Variants in JPT1 observed in about 807,000 individuals in gnomAD.
JPT1 encodes Jupiter microtubule associated homolog 1, also known as androgen-regulated protein 2.
JPT1 carries 5 observed loss-of-function variants against 17.0 expected under a neutral mutation model. That is an observed-to-expected ratio of 0.29 (90% CI 0.15 to 0.62). The LOEUF (loss-of-function observed/expected upper bound fraction) is 0.62. Ranked by LOEUF, JPT1 falls within the 20% of genes least tolerant of loss-of-function variation. JPT1 has a pLI of 0.85. For synonymous variants in JPT1, 71 were observed against 73.6 expected (o/e 0.96, Z 0.18); for missense variants, 158 against 188.1 (o/e 0.84, Z 0.94).
intron 1 of JPT1, among the ~76,000 whole-genome samples, chr17:75,152,337 G>T (rs1473682421): frequency 6.6e-6 from 1 of 152,088 alleles, no homozygotes; most frequent in Non-Finnish European, 1.5e-5. Context: ...AAATCCTGAA[G>T]TTTCTGTATA....
chr17:75,137,076 A>G (rs1188698759), intron 4 of JPT1, among the ~76,000 whole-genome samples: 1 of 152,172 alleles, frequency 6.6e-6, no homozygotes, highest in Non-Finnish European at 1.5e-5. Context: ...TATGTTTTCA[A>G]ATCCCTCACC....
In JPT1 at chr17:75,145,170, A is replaced by C. The variant is rs1193344936; in HGVS notation, c.316+1496T>G. The C allele has an allele frequency of 2.0e-5, 3 of 148,350 alleles. No individual in the cohort carries two copies. The East Asian group carries it at 5.9e-4, about 29-fold the overall frequency. The allele number at this position is 148,350 out of a possible 1,614,324, so 9.2% of individuals were successfully genotyped here. ...CAGAGCCAGACTCCATCTCAAAAAA[A>C]AAAAAAAAAAAAAAACACAACCAAA... is the stretch of plus-strand genomic sequence containing the variant. On this transcript the variant is annotated intron_variant, in intron 4 of 4. Transcript: ENST00000409753.
At chr17:75,147,793 G>A in intron 2 of JPT1, 140 bp from the exon 3 acceptor site, 1 of 627,512 alleles carries the variant, frequency 1.6e-6, no homozygotes, top group South Asian at 1.8e-5. Context: ...GAGGTCAGGA[G>A]TTCAAGACCA....
chr17:75,140,582 G>A (rs764396217), intron 4 of JPT1, among the ~76,000 whole-genome samples: 1 of 152,094 alleles, frequency 6.6e-6, no homozygotes, highest in Non-Finnish European at 1.5e-5. Flanking sequence ...TGCCCAAGAG[G>A]TAAAATAAAT....
At chr17:75,152,136 T>C (rs2145198503) in intron 1 of JPT1, among the ~76,000 whole-genome samples, 1 of 152,322 alleles carries the variant, frequency 6.6e-6, no homozygotes, top group Admixed American at 6.5e-5. Context: ...TTTGTAATAG[T>C]GAGATATCCC....
intron 4 of JPT1, among the ~76,000 whole-genome samples, chr17:75,139,087 C>T (rs1334262977): frequency 1.3e-5 from 2 of 152,214 alleles, no homozygotes; most frequent in Non-Finnish European, 2.9e-5. Flanking sequence ...ACACACAAGT[C>T]CTACAATAAG....
At chr17:75,139,624 C>T (rs1387048625) in intron 4 of JPT1, among the ~76,000 whole-genome samples, 1 of 151,970 alleles carries the variant, frequency 6.6e-6, no homozygotes, top group Admixed American at 6.6e-5. Context: ...AGTTTGAGAC[C>T]AGCTTGGCCA....
At chr17:75,149,105 C>T in intron 1 of JPT1, 1 of 1,184,622 alleles carries the variant, frequency 8.4e-7, no homozygotes, top group Non-Finnish European at 1.1e-6. Context: ...AATCCCAGCA[C>T]CCTAGGAGGC....
chr17:75,140,600 A>C (rs1391751256), intron 4 of JPT1, among the ~76,000 whole-genome samples: 1 of 152,186 alleles, frequency 6.6e-6, no homozygotes. Flanking sequence ...AATTTCCCGT[A>C]TATCCAAAGG....
At chr17:75,144,789 C>G (rs762741601) in intron 4 of JPT1, among the ~76,000 whole-genome samples, 1 of 152,130 alleles carries the variant, frequency 6.6e-6, no homozygotes, top group Admixed American at 6.6e-5. Context: ...GGACTCCCAA[C>G]TGGTGTCCAC....
intron 4 of JPT1, among the ~76,000 whole-genome samples, chr17:75,140,532 A>G (rs998211415): frequency 6.6e-6 from 1 of 152,190 alleles, no homozygotes; most frequent in Non-Finnish European, 1.5e-5. Context: ...CTCAAGATGG[A>G]AACTCCAAAG....
chr17:75,144,653 C>G (rs995653125), intron 4 of JPT1, among the ~76,000 whole-genome samples: 1 of 152,140 alleles, frequency 6.6e-6, no homozygotes. Context: ...TGAAGCCAGT[C>G]GGTCAGAAGT....
rs371802534 is a variant in JPT1, at chr17:75,136,001, T to C, written c.*101A>G. The stretch of plus-strand genomic sequence containing the variant: ...GACAGCAGTACATAAAGTGCTTCTT[T>C]TTAATGAAACAAATCCAAGAGATGT... On this transcript the variant is annotated 3_prime_UTR_variant, in exon 5 of 5. Coordinates refer to ENST00000409753, the MANE Select transcript of JPT1 (RefSeq NM_016185.4). 6.2e-6 allele frequency: 10 copies of C among 1,607,500 alleles called. No homozygotes were observed. The African/African-American group carries it at 1.3e-4, about 22-fold the overall frequency.
At chr17:75,144,941 G>A (rs1021199522) in intron 4 of JPT1, among the ~76,000 whole-genome samples, 3 of 152,008 alleles carry the variant, frequency 2.0e-5, no homozygotes, top group Admixed American at 2.0e-4. Flanking sequence ...AAGAACCCAG[G>A]CAATGCTCCC....
rs1199265205 is a variant in JPT1 at position 75,154,169 on chromosome 17, G to A, written c.56+173C>T. On this transcript the variant is annotated intron_variant, in intron 1 of 4. Coordinates refer to ENST00000409753, the MANE Select transcript of JPT1 (RefSeq NM_016185.4). ...GGGACCCGGGTGGGGCCGGCGCGCA[G>A]GGCTCGCCAGGCGGCACAAAGGCGG... is the stretch of plus-strand genomic sequence containing the variant. 3 of 322,680 alleles carry A rather than the reference G, an allele frequency of 9.3e-6. No individual in the cohort carries two copies. The East Asian group carries it at 1.8e-4, about 19-fold the overall frequency. The allele number at this position is 322,680 out of a possible 1,614,324, so 20.0% of individuals were successfully genotyped here.
intron 2 of JPT1, chr17:75,147,905 A>G (rs535728343): frequency 2.4e-6 from 1 of 417,694 alleles, no homozygotes; most frequent in African/African-American, 2.0e-5. Context: ...AGGCTGAGGC[A>G]GAAGAATCAC....
At chr17:75,153,528 T>C (rs1202518644) in intron 1 of JPT1, 2 of 152,134 alleles carry the variant, frequency 1.3e-5, no homozygotes, top group African/African-American at 4.8e-5. Flanking sequence ...GAAGGTAGGA[T>C]GCAAAGGCCA....
intron 1 of JPT1, among the ~76,000 whole-genome samples, chr17:75,150,563 T>G (rs2074529400): frequency 6.6e-6 from 1 of 152,118 alleles, no homozygotes; most frequent in Admixed American, 6.5e-5. Context: ...AATTGTTGTA[T>G]TTTTAGTAAA....
intron 4 of JPT1, among the ~76,000 whole-genome samples, chr17:75,140,346 T>C (rs2074284864): frequency 6.6e-6 from 1 of 152,214 alleles, no homozygotes. Context: ...CCTGGTCTCT[T>C]TTCTTTGGCA....
Sources: allele counts gnomAD v4.1 joint callset (sites outside exome capture counted in the v4.1 genomes callset), GRCh38; gene constraint gnomAD v4.1.1; transcripts MANE v1.5; gene names NCBI Gene and HGNC (gene_info 2026-07-23, HGNC 2026-07-21).